The following CAMK4 variants were observed in gnomAD, a reference collection of about 807,000 sequenced individuals.
CAMK4 encodes the protein calcium/calmodulin-dependent protein kinase type IV.
CAMK4 carries 22 observed loss-of-function variants against 44.9 expected under a neutral mutation model. The ratio of observed to expected loss-of-function variants is 0.49; its 90% CI spans 0.35 to 0.70. The LOEUF (loss-of-function observed/expected upper bound fraction) is 0.70. Ranked by LOEUF, CAMK4 falls within the 30% of genes least tolerant of loss-of-function variation. The pLI is 0.01. For missense variants in CAMK4, 498 were observed against 586.8 expected (o/e 0.85, Z 1.56); for synonymous variants, 218 against 215.4 (o/e 1.01, Z -0.11).
chr5:111,269,198 G>A (rs2112578077), intron 1 of CAMK4, among the ~76,000 whole-genome samples: 1 of 152,304 alleles, frequency 6.6e-6, no homozygotes, highest in African/African-American at 2.4e-5. Context: ...CTGTATGTGA[G>A]CTGATCTTCT....
chr5:111,337,838 AG>A (rs1749472376), intron 1 of CAMK4, among the ~76,000 whole-genome samples: 1 of 151,086 alleles, frequency 6.6e-6, no homozygotes, highest in Non-Finnish European at 1.5e-5. Context: ...TAGTTACAAC[AG>A]GCAAGTTTCA....
intron 5 of CAMK4, among the ~76,000 whole-genome samples, chr5:111,432,199 G>A (rs1445693048): frequency 6.6e-6 from 1 of 152,094 alleles, no homozygotes; most frequent in Non-Finnish European, 1.5e-5. Context: ...CCTATTATTT[G>A]CAACAAGATG....
At chr5:111,255,407 A>G (rs1318477174) in intron 1 of CAMK4, among the ~76,000 whole-genome samples, 1 of 152,202 alleles carries the variant, frequency 6.6e-6, no homozygotes, top group Non-Finnish European at 1.5e-5. Flanking sequence ...TCTTGGATTC[A>G]TGCCCAGCAA....
chr5:111,348,880 T>C (rs930484714), intron 2 of CAMK4, among the ~76,000 whole-genome samples: 2 of 152,068 alleles, frequency 1.3e-5, no homozygotes, highest in African/African-American at 2.4e-5. Context: ...ACTCTCTAAA[T>C]GTTATGACAA....
intron 5 of CAMK4, among the ~76,000 whole-genome samples, chr5:111,433,860 A>C (rs1305843193): frequency 1.3e-5 from 2 of 152,192 alleles, no homozygotes; most frequent in Non-Finnish European, 2.9e-5. Context: ...TTTAATTCTT[A>C]TAATGGAGAA....
chr5:111,387,822 T>C (rs1175394761), intron 4 of CAMK4, among the ~76,000 whole-genome samples: 1 of 152,192 alleles, frequency 6.6e-6, no homozygotes, highest in East Asian at 1.9e-4. Context: ...CTGCAGAAGG[T>C]TCTGGACAAA....
intron 5 of CAMK4, among the ~76,000 whole-genome samples, chr5:111,425,580 C>CT (rs1561480401): frequency 6.6e-6 from 1 of 152,178 alleles, no homozygotes; most frequent in African/African-American, 2.4e-5. Context: ...ATTTGCCCAA[C>CT]TTTTTTAAGT....
intron 1 of CAMK4, among the ~76,000 whole-genome samples, chr5:111,248,666 A>G (rs1385040474): frequency 6.6e-6 from 1 of 152,180 alleles, no homozygotes; most frequent in African/African-American, 2.4e-5. Flanking sequence ...AGGAGATTAA[A>G]TATTTCCTCT....
intron 1 of CAMK4, among the ~76,000 whole-genome samples, chr5:111,292,993 T>C (rs541207160): frequency 4.1e-4 from 62 of 152,324 alleles, no homozygotes; most frequent in African/African-American, 1.4e-3. Flanking sequence ...AATGAAGCAA[T>C]GTGCCTGCCT....
At chr5:111,244,002 G>A (rs916407425) in intron 1 of CAMK4, among the ~76,000 whole-genome samples, 5 of 152,136 alleles carry the variant, frequency 3.3e-5, no homozygotes, top group African/African-American at 1.2e-4. Context: ...CCGGAGCACA[G>A]AGAAGTCACC....
rs555691489 is a variant in CAMK4 at position 111,281,544 on chromosome 5, A to G, written c.161+56900A>G. ...AGAAGGAAGAGAATAGCATTTCAGG[A>G]GAAAGGGGTTAAGCCTCTTTACTGC... On this transcript the variant is annotated intron_variant, in intron 1 of 10. Transcript: ENST00000282356. 4.6e-5 allele frequency among the ~76,000 whole-genome samples: 7 copies of G among 152,308 alleles called. No individual in the cohort carries two copies. The East Asian group carries it at 1.4e-3, about 29-fold the overall frequency.
At chr5:111,415,970 C>A (rs924227589) in intron 5 of CAMK4, among the ~76,000 whole-genome samples, 3 of 152,052 alleles carry the variant, frequency 2.0e-5, no homozygotes, top group African/African-American at 7.2e-5. Context: ...AAACACTACA[C>A]CATTTTATAT....
At position 111,232,997 on chromosome 5, in the gene CAMK4, G is replaced by A. The variant is rs540120155; in HGVS notation, c.161+8353G>A. Among the ~76,000 whole-genome samples the A allele has an allele frequency of 2.0e-5, 3 of 152,306 alleles. No homozygotes were observed. The East Asian group carries it at 5.8e-4, about 29-fold the overall frequency. ...GACAATAGCACATTACTGTGTTCCA[G>A]TGACATGTCATTTATGACAGTAAAA... On this transcript the variant is annotated intron_variant, in intron 1 of 10. Transcript: ENST00000282356.
intron 1 of CAMK4, among the ~76,000 whole-genome samples, chr5:111,267,253 C>T (rs1474153272): frequency 1.3e-5 from 2 of 152,272 alleles, no homozygotes; most frequent in South Asian, 2.1e-4. Flanking sequence ...ATTTCAAGAT[C>T]GTAATTTGGG....
At chr5:111,323,253 A>C (rs374336255) in intron 1 of CAMK4, among the ~76,000 whole-genome samples, 1 of 152,114 alleles carries the variant, frequency 6.6e-6, no homozygotes, top group Non-Finnish European at 1.5e-5. Context: ...ACCATGAAAC[A>C]AAGATATGAT....
intron 1 of CAMK4, among the ~76,000 whole-genome samples, chr5:111,273,677 TTATATATATATATATATATATATATA>T (rs1160351356): frequency 7.3e-5 from 3 of 41,128 alleles, no homozygotes; most frequent in Middle Eastern, 0.021. Context: ...AAAAATGCAT[TTATATATATATATATATATATATATA>T]TATATATATA....
At chr5:111,315,552 A>T (rs900454691) in intron 1 of CAMK4, among the ~76,000 whole-genome samples, 1 of 152,158 alleles carries the variant, frequency 6.6e-6, no homozygotes, top group Non-Finnish European at 1.5e-5. Flanking sequence ...AAAATATCTA[A>T]TTTAATCATC....
chr5:111,438,089 G>C (rs959944618), intron 5 of CAMK4, among the ~76,000 whole-genome samples: 1 of 152,204 alleles, frequency 6.6e-6, no homozygotes, highest in Non-Finnish European at 1.5e-5. Flanking sequence ...TGGCGAGGGA[G>C]AGAAAGTCAA....
At chr5:111,419,317 G>C (rs967709842) in intron 5 of CAMK4, among the ~76,000 whole-genome samples, 1 of 152,000 alleles carries the variant, frequency 6.6e-6, no homozygotes, top group Non-Finnish European at 1.5e-5. Context: ...AAATTTGTTT[G>C]AGTTCATTGT....
Sources: gnomAD v4.1 joint callset for allele counts (sites outside exome capture counted in the v4.1 genomes callset) on GRCh38, gnomAD v4.1.1 for gene constraint, MANE v1.5 for transcripts, NCBI Gene and HGNC (gene_info 2026-07-23, HGNC 2026-07-21) for gene names.